MBNL3: variants seen among roughly 807,000 people sequenced by gnomAD.
MBNL3 encodes muscleblind like splicing regulator 3.
Under a neutral mutation model 24.5 loss-of-function variants are expected in MBNL3, and 6 were observed. The ratio of observed to expected loss-of-function variants is 0.25; its 90% CI spans 0.13 to 0.48. MBNL3 has a LOEUF of 0.48. Ranked by LOEUF, MBNL3 falls within the 20% of genes least tolerant of loss-of-function variation. The pLI is 0.99. For synonymous variants in MBNL3, 100 were observed against 101.7 expected, an observed-to-expected ratio of 0.98 and a Z score of 0.10; for missense variants, 230 against 293.5, an observed-to-expected ratio of 0.78 and a Z score of 1.58.
chrX:132,414,944 A>C (rs1046881992), intron 2 of MBNL3, among the ~76,000 whole-genome samples: 11 of 111,744 alleles, frequency 9.8e-5, no homozygotes, highest in Non-Finnish European at 1.7e-4. Flanking sequence ...CTATGATTGC[A>C]AAGTAACATC....
chrX:132,486,413 T>A (rs1477439261), intron 1 of MBNL3, among the ~76,000 whole-genome samples: 1 of 111,479 alleles, frequency 9.0e-6, no homozygotes, highest in African/African-American at 3.3e-5. Context: ...CCTTTTTTAT[T>A]CCCAAGCTGC....
intron 2 of MBNL3, among the ~76,000 whole-genome samples, chrX:132,434,393 G>A (rs1036263211): frequency 5.4e-5 from 6 of 111,979 alleles, no homozygotes; most frequent in African/African-American, 1.9e-4. Flanking sequence ...TTAACATCTA[G>A]GACATTGGGA....
chrX:132,404,836 C>T (rs1229257631), intron 3 of MBNL3, among the ~76,000 whole-genome samples: 1 of 111,906 alleles, frequency 8.9e-6, no homozygotes, highest in African/African-American at 3.3e-5. Context: ...ATACTATATA[C>T]ATATTTCAAC....
intron 1 of MBNL3, among the ~76,000 whole-genome samples, chrX:132,452,325 G>A (rs1244892193): frequency 6.2e-5 from 7 of 112,573 alleles, no homozygotes; most frequent in Non-Finnish European, 1.3e-4. Context: ...ACAACAGGAA[G>A]CTTGACACAT....
At chrX:132,381,400 G>A (rs996191270) in intron 8 of MBNL3, 3 of 1,176,473 alleles carry the variant, frequency 2.5e-6, no homozygotes, top group Admixed American at 4.6e-5. Context: ...CAAACATGCT[G>A]CTATTCAGTT....
At chrX:132,408,092 C>G (rs1435535810) in intron 2 of MBNL3, among the ~76,000 whole-genome samples, 1 of 22,549 alleles carries the variant, frequency 4.4e-5, no homozygotes, top group African/African-American at 1.6e-4. Flanking sequence ...GAATTTCAGT[C>G]TTTTTTTTTT....
chrX:132,470,708 TC>T (rs1947134853), intron 1 of MBNL3, among the ~76,000 whole-genome samples: 1 of 111,566 alleles, frequency 9.0e-6, no homozygotes, highest in Admixed American at 9.5e-5. Flanking sequence ...AATGATGCTT[TC>T]CCCCCTCCAC....
intron 2 of MBNL3, among the ~76,000 whole-genome samples, chrX:132,415,601 A>C (rs1401619495): frequency 8.9e-6 from 1 of 111,953 alleles, no homozygotes; most frequent in Non-Finnish European, 1.9e-5. Flanking sequence ...TTAAACATGA[A>C]TCTTCTTTCA....
At chrX:132,434,847 T>C (rs1286047412) in intron 2 of MBNL3, among the ~76,000 whole-genome samples, 2 of 111,232 alleles carry the variant, frequency 1.8e-5, no homozygotes, top group African/African-American at 6.5e-5. Context: ...AAAAATAACA[T>C]TAGGAAGAAA....
chrX:132,415,207 G>A (rs914216632), intron 2 of MBNL3, among the ~76,000 whole-genome samples: 1 of 112,069 alleles, frequency 8.9e-6, no homozygotes, highest in Non-Finnish European at 1.9e-5. Flanking sequence ...AACCTGGGAA[G>A]TCAGAAGGTA....
At chrX:132,410,799 A>G (rs751211300) in intron 2 of MBNL3, among the ~76,000 whole-genome samples, 1 of 112,419 alleles carries the variant, frequency 8.9e-6, no homozygotes, top group South Asian at 3.7e-4. Context: ...TAGTTCCTGC[A>G]AGCATCACAG....
intron 1 of MBNL3, among the ~76,000 whole-genome samples, chrX:132,468,176 G>T (rs774471976): frequency 8.9e-6 from 1 of 112,360 alleles, no homozygotes; most frequent in African/African-American, 3.2e-5. Flanking sequence ...ATTTCCTGTG[G>T]ATTTGTAACT....
At chrX:132,451,788 C>T (rs975757752) in intron 1 of MBNL3, among the ~76,000 whole-genome samples, 1 of 111,539 alleles carries the variant, frequency 9.0e-6, no homozygotes, top group African/African-American at 3.3e-5. Context: ...AAACCCAGGG[C>T]CCTGGTGGGG....
chrX:132,395,501 C>G (rs1937996004), intron 3 of MBNL3, among the ~76,000 whole-genome samples: 1 of 111,719 alleles, frequency 9.0e-6, no homozygotes, highest in Non-Finnish European at 1.9e-5. Context: ...GGCTGTCCCT[C>G]CCATAACCAG....
At chrX:132,452,896 A>C (rs1007640164) in intron 1 of MBNL3, among the ~76,000 whole-genome samples, 8 of 112,566 alleles carry the variant, frequency 7.1e-5, no homozygotes, top group African/African-American at 2.6e-4. Flanking sequence ...ATTAACAACA[A>C]ATCTGATGAC....
intron 1 of MBNL3, among the ~76,000 whole-genome samples, chrX:132,454,591 C>T (rs1946280502): frequency 1.8e-5 from 2 of 111,782 alleles, no homozygotes; most frequent in African/African-American, 6.5e-5. Flanking sequence ...CCCAAATGTA[C>T]CCTGATTTCA....
At chrX:132,459,686 C>T (rs1242866023) in intron 1 of MBNL3, among the ~76,000 whole-genome samples, 1 of 111,804 alleles carries the variant, frequency 8.9e-6, no homozygotes, top group Non-Finnish European at 1.9e-5. Context: ...GAAACTAAGA[C>T]CAGACCCAGA....
intron 2 of MBNL3, among the ~76,000 whole-genome samples, chrX:132,408,090 G>A (rs1942109169): frequency 3.6e-5 from 1 of 28,044 alleles, no homozygotes; most frequent in Admixed American, 6.9e-4. Flanking sequence ...CTGAATTTCA[G>A]TCTTTTTTTT....
intron 1 of MBNL3, among the ~76,000 whole-genome samples, chrX:132,451,916 GGGGA>G (rs1190486942): frequency 1.8e-5 from 2 of 111,736 alleles, no homozygotes; most frequent in African/African-American, 6.5e-5. Context: ...CCCTTGGCTA[GGGGA>G]GGGAGTTCCC....
Sources: allele counts gnomAD v4.1 joint callset (sites outside exome capture counted in the v4.1 genomes callset), GRCh38; gene constraint gnomAD v4.1.1; transcripts MANE v1.5; gene names NCBI Gene and HGNC (gene_info 2026-07-23, HGNC 2026-07-21).